The following FKBP4 variants were observed in gnomAD, a reference collection of about 807,000 sequenced individuals.
FKBP4 encodes the protein FKBP prolyl isomerase 4, also known as peptidyl-prolyl cis-trans isomerase FKBP4.
A neutral mutation model predicts 54.1 loss-of-function variants in FKBP4; 28 were observed. The ratio of observed to expected loss-of-function variants is 0.52; its 90% confidence interval spans 0.38 to 0.71. FKBP4 has a LOEUF of 0.71. Ranked by LOEUF, FKBP4 falls within the 30% of genes least tolerant of loss-of-function variation. FKBP4 has a pLI of 0.00. For missense variants in FKBP4, 493 were observed against 574.4 expected, an observed-to-expected ratio of 0.86 and a Z score of 1.45; for synonymous variants, 223 against 216.1, an observed-to-expected ratio of 1.03 and a Z score of -0.28.
At position 2,799,920 on chromosome 12, in the gene FKBP4, C is replaced by T; in HGVS notation, c.742C>T (p.His248Tyr). The T allele has an allele frequency of 6.2e-7, 1 of 1,614,184 alleles. No individual in the cohort carries two copies. The highest frequency in any genetic ancestry group is 1.7e-5 in the Admixed American group (1 of 60,020). Residue 248 changes from histidine to tyrosine, a missense_variant, in exon 6 of 10, where the codon CAC (histidine) becomes TAC (tyrosine). Physicochemically the swap from His to Tyr is moderately conservative, Grantham distance 83. Transcript: ENST00000001008. ...AAATGCTGAGCTGAAATATGAATTA[C>T]ACCTCAAGAGTTTTGAAAAGGTAAG... ...PPNAELKYEL[H>Y]LKSFEKAKES...
At chr12:2,796,418 ACTC>A in intron 1 of FKBP4, 1 of 1,279,478 alleles carries the variant, frequency 7.8e-7, no homozygotes, top group South Asian at 1.3e-5. Flanking sequence ...TTACCTTTCT[ACTC>A]CTCAAAGCCC....
chr12:2,795,832 C>T lies in FKBP4; in HGVS notation c.105+588C>T, dbSNP rs1378678285. 10 of 475,216 alleles carry T rather than the reference C, an allele frequency of 2.1e-5. No individual in the cohort carries two copies. The highest frequency in any genetic ancestry group is 2.8e-5 in the Non-Finnish European group (10 of 362,460). 29.4% of individuals were successfully genotyped at this position (475,216 alleles called of 1,614,324 possible). A position where few individuals can be genotyped will look rare whatever the true frequency, so the allele number is the denominator to read the frequency against. On this transcript the variant is annotated intron_variant, in intron 1 of 9. Coordinates refer to ENST00000001008, the MANE Select transcript of FKBP4 (RefSeq NM_002014.4). This position sits in a 1 kb window ranked among gnomAD's most constrained non-coding sequence, Gnocchi z 4.3. ...CCGGCGCCCTCCCGGGGTCCCCTGCCGACGCCGGGACCCAGCGAGGTCCCC... is the reference window on the plus strand; with the variant it reads ...CCGGCGCCCTCCCGGGGTCCCCTGCTGACGCCGGGACCCAGCGAGGTCCCC...
intron 9 of FKBP4, chr12:2,801,951 A>AT (rs201150255): frequency 3.6e-4 from 50 of 140,280 alleles, no homozygotes; most frequent in South Asian, 8.7e-4. Context: ...TTCCCCTAAC[A>AT]CAGGCAACGT....
Position 2,798,443 on chromosome 12 carries a change from T to C in FKBP4, c.394-263T>C, listed in dbSNP as rs1295223354. 1.3e-5 allele frequency among the ~76,000 whole-genome samples: 2 copies of C among 152,190 alleles called. No individual in the cohort carries two copies. The highest frequency in any genetic ancestry group is 4.8e-5 in the African/African-American group (2 of 41,426). Reference sequence around the variant, plus strand: ...ATTATCTGGGACGCGTCCTGATATGTCCGTGTTAGTAGAGCAGGTAGCAAA... The same window carrying C: ...ATTATCTGGGACGCGTCCTGATATGCCCGTGTTAGTAGAGCAGGTAGCAAA... On this transcript the variant is annotated intron_variant, in intron 3 of 9. Coordinates refer to ENST00000001008, the MANE Select transcript of FKBP4 (RefSeq NM_002014.4). The surrounding 1 kb of genome is among the most constrained non-coding windows in gnomAD (Gnocchi z 4.3).
chr12:2,796,907 C>T lies in FKBP4; in HGVS notation c.106-231C>T, dbSNP rs2153919242. On this transcript the variant is annotated intron_variant, in intron 1 of 9. Transcript: ENST00000001008. The stretch of plus-strand genomic sequence containing the variant: ...AGCGGAAACTTGAACTCAGATCTCT[C>T]AGCCTTTTGTCTCCTTTTTCAAACC... 4 of 1,342,998 alleles carry T rather than the reference C, an allele frequency of 3.0e-6. No individual in the cohort carries two copies. In the South Asian group the frequency reaches 7.5e-5, roughly 25 times the overall value. The allele number at this position is 1,342,998 out of a possible 1,614,324, so 83.2% of individuals were successfully genotyped here.
rs1440352675 is a variant in FKBP4, at chr12:2,797,238, C to G, written c.206C>G (p.Ser69Cys). The G allele has an allele frequency of 6.2e-7, 1 of 1,613,822 alleles. No homozygotes were observed. The highest frequency in any genetic ancestry group is 2.2e-5 in the East Asian group (1 of 44,878). The change falls in exon 2 of 10, where the codon TCC becomes TGC. Residue 69 changes from serine to cysteine, a missense_variant. Coordinates refer to ENST00000001008, the MANE Select transcript of FKBP4 (RefSeq NM_002014.4). ...GWLLDGTKFD[S>C]SLDRKDKFSF... ...CTATTAGATGGCACAAAGTTTGACT[C>G]CAGTCTGGATCGCAAGGACAAATTC...
Position 2,798,442 on chromosome 12 carries a change from G to A in FKBP4, c.394-264G>A, listed in dbSNP as rs114935704. Among the ~76,000 whole-genome samples, 4,501 of 152,320 alleles carry A rather than the reference G, an allele frequency of 0.03. 211 individuals are homozygous for A. The highest frequency in any genetic ancestry group is 0.1 in the African/African-American group (4,273 of 41,540). ...GATTATCTGGGACGCGTCCTGATAT[G>A]TCCGTGTTAGTAGAGCAGGTAGCAA... On this transcript the variant is annotated intron_variant, in intron 3 of 9. Transcript: ENST00000001008. The surrounding 1 kb of genome is among the most constrained non-coding windows in gnomAD (Gnocchi z 4.3).
chr12:2,800,949 T>TTCCTCCCTAGA (rs11275794), intron 8 of FKBP4, among the ~76,000 whole-genome samples, 168 bp from the exon 9 acceptor site: 1 of 152,016 alleles, frequency 6.6e-6, no homozygotes, highest in Non-Finnish European at 1.5e-5. Flanking sequence ...TTAAATGAGG[T>TTCCTCCCTAGA]CCCTGGATTG....
chr12:2,801,767 C>T lies in FKBP4; in HGVS notation c.1272+411C>T, dbSNP rs191419750. On this transcript the variant is annotated intron_variant, in intron 9 of 9. Coordinates refer to ENST00000001008, the MANE Select transcript of FKBP4 (RefSeq NM_002014.4). ...AAACCCCATCTCAAAAAAAGAAAAG[C>T]GAGATGCTTTTTGTGTGTGATTAAA... The T allele has an allele frequency of 8.1e-4, 283 of 349,246 alleles. 1 individual carries two copies. Among genetic ancestry groups the T allele is most frequent in the Non-Finnish European group, 1.7e-4 (30 of 174,282 alleles). 21.6% of individuals were successfully genotyped at this position (349,246 alleles called of 1,614,324 possible).
In FKBP4 at chr12:2,795,446, C is replaced by T. The variant is rs1398244741; in HGVS notation, c.105+202C>T. 6.8e-6 allele frequency among the ~76,000 whole-genome samples: 1 copy of T among 147,544 alleles called. No individual in the cohort carries two copies. Among genetic ancestry groups the T allele is most frequent in the Non-Finnish European group, 1.5e-5 (1 of 66,178 alleles). ...GCACCGAGGCCGGCCATGCGCTCGG[C>T]AGGGGGGCGGCCTAGGTGCGCGGGC... On this transcript the variant is annotated intron_variant, in intron 1 of 9. Coordinates refer to ENST00000001008, the MANE Select transcript of FKBP4 (RefSeq NM_002014.4). This position sits in a 1 kb window ranked among gnomAD's most constrained non-coding sequence, Gnocchi z 4.3.
rs2097906425 is a variant in FKBP4, at chr12:2,804,305, T to G, written c.*1047T>G. ...ATGCATGTTCATTTTGAAGTTGGAA[T>G]TGGTCTTCTGCCTACCTCTGATCTG... On this transcript the variant is annotated 3_prime_UTR_variant, in exon 10 of 10. Coordinates refer to ENST00000001008, the MANE Select transcript of FKBP4 (RefSeq NM_002014.4). 1 of 152,230 alleles carries G rather than the reference T, an allele frequency of 6.6e-6. No individual in the cohort carries two copies. Among genetic ancestry groups the G allele is most frequent in the Admixed American group, 6.5e-5 (1 of 15,286 alleles). 9.4% of individuals were successfully genotyped at this position (152,230 alleles called of 1,614,324 possible). A position where few individuals can be genotyped will look rare whatever the true frequency, so the allele number is the denominator to read the frequency against.
At chr12:2,801,050 C>T in intron 8 of FKBP4, 67 bp from the exon 9 acceptor site, 1 of 1,589,310 alleles carries the variant, frequency 6.3e-7, no homozygotes, top group Admixed American at 1.8e-5. Flanking sequence ...CTTTGGAACC[C>T]AGTCTAGGCC....
rs1017820517 is a variant in FKBP4 at position 2,799,126 on chromosome 12, C to T, written c.553C>T (p.Gln185Ter). Residue 185 changes from glutamine to a stop codon, truncating the protein, a stop_gained, in exon 5 of 10, where the codon CAG becomes TAG. Transcript: ENST00000001008. LOFTEE classifies it high-confidence loss of function. ...GTACTACAAGGACAAGCTCTTTGAC[C>T]AGCGGGAGCTCCGCTTTGAGATTGG... ...EGYYKDKLFD[Q>*]RELRFEIGEG... The T allele has an allele frequency of 1.9e-6, 3 of 1,571,510 alleles. No individual in the cohort carries two copies. Among genetic ancestry groups the T allele is most frequent in the Non-Finnish European group, 2.6e-6 (3 of 1,162,454 alleles).
chr12:2,797,200 C>T lies in FKBP4; in HGVS notation c.168C>T (p.His56=), dbSNP rs1475876308. The T allele has an allele frequency of 6.2e-7, 1 of 1,613,846 alleles. No individual in the cohort carries two copies. The highest frequency in any genetic ancestry group is 8.5e-7 in the Non-Finnish European group (1 of 1,179,856). Residue 56 remains histidine, a synonymous_variant, in exon 2 of 10, where the codon CAC becomes CAT. Transcript: ENST00000001008. ...TGATTGGGGACCGAGTCTTTGTCCACTACACTGGCTGGCTATTAGATGGCA... is the reference window on the plus strand; with the variant it reads ...TGATTGGGGACCGAGTCTTTGTCCATTACACTGGCTGGCTATTAGATGGCA... ...MPMIGDRVFV[H]YTGWLLDGTK... is the part of the protein sequence containing the mutation.
In FKBP4 at chr12:2,800,413, T is replaced by A. The variant is rs1263797853; in HGVS notation, c.868T>A (p.Leu290Ile). 6.2e-7 allele frequency: 1 copy of A among 1,612,878 alleles called. No individual in the cohort carries two copies. Among genetic ancestry groups the A allele is most frequent in the Non-Finnish European group, 8.5e-7 (1 of 1,179,404 alleles). The stretch of plus-strand genomic sequence containing the variant: ...CCAGGAAGGTAAATACAAGCAAGCT[T>A]TACTACAGTATAAGAAGATCGTGTC... ...YFKEGKYKQA[L>I]LQYKKIVSWL... Residue 290 changes from leucine to isoleucine, a missense_variant, in exon 8 of 10, where the codon TTA (leucine) becomes ATA (isoleucine). Physicochemically the swap from Leu to Ile is conservative, Grantham distance 5. Coordinates refer to ENST00000001008, the MANE Select transcript of FKBP4 (RefSeq NM_002014.4).
rs189987030 is a variant in FKBP4 at position 2,800,003 on chromosome 12, A to G, written c.763-36A>G. On this transcript the variant is annotated intron_variant, in intron 6 of 9. Coordinates refer to ENST00000001008, the MANE Select transcript of FKBP4 (RefSeq NM_002014.4). ...TCCACCCTGTACGTGACTCTGGGGT[A>G]GCTGACAACTTTGTTTCTCTCCTGG... 3.1e-6 allele frequency: 5 copies of G among 1,613,598 alleles called. No homozygotes were observed. In the East Asian group the frequency reaches 8.9e-5, roughly 29 times the overall value.
At chr12:2,802,198 C>T (rs2097905211) in intron 9 of FKBP4, among the ~76,000 whole-genome samples, 2 of 152,136 alleles carry the variant, frequency 1.3e-5, no homozygotes, top group Admixed American at 1.3e-4. Context: ...AGTGCAATGG[C>T]ATGATCTTGG....
rs1369704048 is a variant in FKBP4 at position 2,800,075 on chromosome 12, C to G, written c.799C>G (p.Leu267Val). 3 of 1,614,048 alleles carry G rather than the reference C, an allele frequency of 1.9e-6. No homozygotes were observed. The highest frequency in any genetic ancestry group is 2.5e-6 in the Non-Finnish European group (3 of 1,180,048). The change falls in exon 7 of 10, where the codon CTG (leucine) becomes GTG (valine). Residue 267 changes from leucine (L) to valine (V), a missense_variant. Leu to Val is a conservative substitution (Grantham distance 32). Coordinates refer to ENST00000001008, the MANE Select transcript of FKBP4 (RefSeq NM_002014.4). ...ESWEMNSEEK[L>V]EQSTIVKERG... ...TTGGGAGATGAATTCAGAAGAGAAG[C>G]TGGAACAGAGCACCATAGTGAAAGA...
At position 2,803,297 on chromosome 12, in the gene FKBP4, C is replaced by G; in HGVS notation, c.*39C>G. 7.3e-7 allele frequency: 1 copy of G among 1,365,480 alleles called. No individual in the cohort carries two copies. The highest frequency in any genetic ancestry group is 1.0e-6 in the Non-Finnish European group (1 of 985,458). The allele number at this position is 1,365,480 out of a possible 1,614,324, so 84.6% of individuals were successfully genotyped here. Reference sequence around the variant, plus strand: ...GCCCTACTCCTGCGGCTGCCTGCCCCCCAGTCTCCCCACTCCACCCTGTTA... The same window carrying G: ...GCCCTACTCCTGCGGCTGCCTGCCCGCCAGTCTCCCCACTCCACCCTGTTA... On this transcript the variant is annotated 3_prime_UTR_variant, in exon 10 of 10. Transcript: ENST00000001008.
Sources: allele counts gnomAD v4.1 joint callset (sites outside exome capture counted in the v4.1 genomes callset), GRCh38; gene constraint gnomAD v4.1.1; non-coding constraint Gnocchi (gnomAD v3.1); transcripts MANE v1.5; gene names NCBI Gene and HGNC (gene_info 2026-07-23, HGNC 2026-07-21).